Variants in MBOAT1 observed in about 807,000 individuals in gnomAD.
The protein encoded by MBOAT1 is membrane-bound glycerophospholipid O-acyltransferase 1.
MBOAT1 carries 67 observed loss-of-function variants against 64.4 expected under a neutral mutation model. The observed-to-expected ratio is 1.04, with a 90% CI of 0.85 to 1.27. The LOEUF is 1.27. Ranked by LOEUF, MBOAT1 falls within the 50% of genes most tolerant of loss-of-function variation. The probability of loss-of-function intolerance (pLI) is 0.00; values close to 1 mark genes in which losing one functional copy is unlikely to be tolerated. For synonymous variants in MBOAT1, 229 were observed against 218.9 expected, an observed-to-expected ratio of 1.05 and a Z score of -0.41; for missense variants, 563 against 604.6, an observed-to-expected ratio of 0.93 and a Z score of 0.72.
intron 1 of MBOAT1, among the ~76,000 whole-genome samples, chr6:20,154,440 G>A (rs1343972663): frequency 6.6e-6 from 1 of 152,164 alleles, no homozygotes; most frequent in African/African-American, 2.4e-5. Context: ...GGCTGAAGCA[G>A]GAGAATCGCT....
chr6:20,123,916 G>A (rs1223075372), intron 8 of MBOAT1, among the ~76,000 whole-genome samples: 1 of 152,130 alleles, frequency 6.6e-6, no homozygotes, highest in Admixed American at 6.5e-5. Context: ...AAATTAGCTG[G>A]GTGTGGTGGC....
intron 4 of MBOAT1, among the ~76,000 whole-genome samples, chr6:20,132,210 G>A (rs1303395106): frequency 1.3e-5 from 2 of 152,190 alleles, no homozygotes; most frequent in East Asian, 3.9e-4. Flanking sequence ...AGATTGCCAG[G>A]GAATTCCACT....
chr6:20,150,233 T>C (rs1761450438), intron 3 of MBOAT1, among the ~76,000 whole-genome samples: 1 of 152,182 alleles, frequency 6.6e-6, no homozygotes, highest in South Asian at 2.1e-4. Flanking sequence ...CGTAAAAATA[T>C]TTCTTTTTTA....
intron 1 of MBOAT1, among the ~76,000 whole-genome samples, chr6:20,156,182 A>G (rs1761675324): frequency 6.6e-6 from 1 of 151,570 alleles, no homozygotes; most frequent in African/African-American, 2.4e-5. Flanking sequence ...GAGATAGGAG[A>G]ATGGCGCGAA....
chr6:20,114,910 C>A (rs984836695), intron 10 of MBOAT1, among the ~76,000 whole-genome samples: 2 of 150,882 alleles, frequency 1.3e-5, no homozygotes, highest in South Asian at 4.2e-4. Flanking sequence ...AAATTTAATT[C>A]TGAAACCAGA....
At chr6:20,106,324 C>T (rs1256588925) in intron 12 of MBOAT1, among the ~76,000 whole-genome samples, 1 of 152,208 alleles carries the variant, frequency 6.6e-6, no homozygotes, top group Non-Finnish European at 1.5e-5. Context: ...AATTCAGTTC[C>T]TCTGTCCCAC....
intron 3 of MBOAT1, among the ~76,000 whole-genome samples, chr6:20,150,562 C>CTTTT (rs537125848): frequency 7.4e-6 from 1 of 134,852 alleles, no homozygotes; most frequent in Non-Finnish European, 1.6e-5. Flanking sequence ...TTTCTTTTTC[C>CTTTT]TTTTTTTTTT....
chr6:20,211,103 G>C (rs1337032040), intron 1 of MBOAT1, among the ~76,000 whole-genome samples: 1 of 152,178 alleles, frequency 6.6e-6, no homozygotes, highest in East Asian at 1.9e-4. Context: ...CAGGTCCTCA[G>C]AGTGAGCCAG....
intron 12 of MBOAT1, among the ~76,000 whole-genome samples, chr6:20,103,004 T>G (rs764087247): frequency 1.3e-5 from 2 of 152,360 alleles, no homozygotes; most frequent in East Asian, 3.9e-4. Flanking sequence ...ACATAGTACT[T>G]GATAATGACA....
intron 2 of MBOAT1, among the ~76,000 whole-genome samples, chr6:20,152,158 T>TA (rs914991183): frequency 4.0e-5 from 6 of 150,512 alleles, no homozygotes; most frequent in South Asian, 4.2e-4. Flanking sequence ...CCGTCTCTAC[T>TA]AAAAAAAATA....
intron 1 of MBOAT1, among the ~76,000 whole-genome samples, chr6:20,194,497 C>G (rs963116127): frequency 2.0e-5 from 3 of 152,168 alleles, no homozygotes. Flanking sequence ...CGAGATTTCT[C>G]TGATGTTTTT....
intron 4 of MBOAT1, among the ~76,000 whole-genome samples, chr6:20,133,449 G>A (rs186906519): frequency 4.9e-4 from 75 of 152,272 alleles, no homozygotes; most frequent in Admixed American, 2.9e-3. Context: ...CACATGAAGA[G>A]GGCTATTTTT....
chr6:20,104,196 A>C (rs963883123), intron 12 of MBOAT1, among the ~76,000 whole-genome samples: 13 of 152,190 alleles, frequency 8.5e-5, no homozygotes, highest in Non-Finnish European at 4.4e-5. Flanking sequence ...AGTTTGTGCA[A>C]GTACACTCTA....
chr6:20,124,709 T>C (rs1760601971), intron 7 of MBOAT1, 109 bp from the exon 8 acceptor site: 1 of 944,636 alleles, frequency 1.1e-6, no homozygotes, highest in East Asian at 2.5e-5. Context: ...CTGCTTGGCA[T>C]TATTCCCCAG....
chr6:20,208,468 GTCAT>G (rs1161505963), intron 1 of MBOAT1, among the ~76,000 whole-genome samples: 2 of 69,350 alleles, frequency 2.9e-5, no homozygotes, highest in Admixed American at 1.4e-4. Flanking sequence ...AAACTTTGTA[GTCAT>G]GGGCCCAGGT....
chr6:20,130,553 T>A (rs1760790752), intron 5 of MBOAT1, among the ~76,000 whole-genome samples: 1 of 152,084 alleles, frequency 6.6e-6, no homozygotes, highest in Admixed American at 6.6e-5. Context: ...GGGGGTTTCA[T>A]CATGTTGGTC....
chr6:20,193,258 G>A (rs996549965), intron 1 of MBOAT1, among the ~76,000 whole-genome samples: 2 of 150,946 alleles, frequency 1.3e-5, no homozygotes, highest in African/African-American at 2.4e-5. Flanking sequence ...CGCCCGCCTA[G>A]GCCTCCCAGA....
At chr6:20,131,091 G>T in intron 5 of MBOAT1, 53 bp downstream of exon 5, 1 of 1,457,124 alleles carries the variant, frequency 6.9e-7, no homozygotes, top group Non-Finnish European at 9.6e-7. Context: ...AAAAAGAAGA[G>T]CTCTGCATGT....
intron 4 of MBOAT1, among the ~76,000 whole-genome samples, chr6:20,133,481 G>A (rs1235036992): frequency 6.6e-6 from 1 of 152,160 alleles, no homozygotes; most frequent in African/African-American, 2.4e-5. Flanking sequence ...TTCACTCGAA[G>A]CATCACACTC....
Sources: allele counts gnomAD v4.1 joint callset (sites outside exome capture counted in the v4.1 genomes callset), GRCh38; gene constraint gnomAD v4.1.1; transcripts MANE v1.5; gene names NCBI Gene and HGNC (gene_info 2026-07-23, HGNC 2026-07-21).